The following CGB1 variants were observed in gnomAD, a reference collection of about 807,000 sequenced individuals.
CGB1 encodes the protein choriogonadotropin subunit beta variant 1.
CGB1 carries 4 observed loss-of-function variants against 7.0 expected under a neutral mutation model. The ratio of observed to expected loss-of-function variants is 0.57; its 90% CI spans 0.28 to 1.31. The LOEUF (loss-of-function observed/expected upper bound fraction) is 1.31, where lower values mean the gene tolerates loss of function less well. Among genes scored for constraint, CGB1 ranks in the 50% most tolerant of loss-of-function variants. The pLI is 0.10. For missense variants in CGB1, 139 were observed against 219.1 expected (o/e 0.63, Z 2.31); for synonymous variants, 72 against 96.4 (o/e 0.75, Z 1.48).
At chr19:49,036,551 C>A (rs2039821518) in intron 1 of CGB1, 152 bp downstream of exon 1, 1 of 1,610,702 alleles carries the variant, frequency 6.2e-7, no homozygotes. Flanking sequence ...GGTCACGCTC[C>A]TCCAGAAAGA....
rs768762805 is a variant in CGB1, at chr19:49,035,631, T to C, written c.447A>G (p.Pro149=). 9.3e-6 allele frequency: 15 copies of C among 1,611,204 alleles called. No homozygotes were observed. The African/African-American group carries it at 1.1e-4, about 12-fold the overall frequency. ...TGTCCTAGGGCCCCGGGAGACGGGA[T>C]GGACTTGGAAGGCTGGGGGGAGGGG... ...SKAPPPSLPS[P]SRLPGP is the part of the protein sequence containing the mutation. The change falls in exon 3 of 3, where the codon CCA becomes CCG. Residue 149 remains proline, a synonymous_variant. Coordinates refer to ENST00000301407, the MANE Select transcript of CGB1 (RefSeq NM_033377.2).
intron 2 of CGB1, 108 bp from the exon 3 acceptor site, chr19:49,036,008 C>G: frequency 7.1e-7 from 1 of 1,412,342 alleles, no homozygotes; most frequent in East Asian, 2.5e-5. Flanking sequence ...AGGAAGCCCT[C>G]TGTTCCTGCC....
chr19:49,036,668 C>A (rs762305269), intron 1 of CGB1, 35 bp downstream of exon 1: 3 of 1,613,950 alleles, frequency 1.9e-6, no homozygotes, highest in Non-Finnish European at 2.5e-6. Context: ...GGAACATCTC[C>A]ATCTTTGGTG....
At position 49,035,713 on chromosome 19, in the gene CGB1, T is replaced by C. The variant is rs1028339582; in HGVS notation, c.365A>G (p.Lys122Arg). Residue 122 changes from lysine to arginine, a missense_variant, in exon 3 of 3, where the codon AAG (lysine) becomes AGG (arginine). Around this residue, in one of 4 missense-constraint regions of CGB1, gnomAD observed 60 missense variants for 105.8 expected, o/e 0.57. Transcript: ENST00000301407. ...GTCATCACAGGTCAAGGGGTGGTCC[T>C]TGGGACCCCCGCAGTCAGTGGTGCT... ...RRSTTDCGGP[K>R]DHPLTCDDPR... 1.1e-5 allele frequency: 18 copies of C among 1,608,740 alleles called. No homozygotes were observed. The highest frequency in any genetic ancestry group is 1.4e-5 in the Non-Finnish European group (17 of 1,178,952).
chr19:49,036,096 C>G, intron 2 of CGB1, 40 bp downstream of exon 2: 1 of 1,604,544 alleles, frequency 6.2e-7, no homozygotes, highest in East Asian at 2.2e-5. Context: ...TGGGTCTGGC[C>G]CTGAGGTGGC....
chr19:49,036,578 T>G, intron 1 of CGB1, 125 bp downstream of exon 1: 1 of 1,613,588 alleles, frequency 6.2e-7, no homozygotes, highest in Non-Finnish European at 8.5e-7. Context: ...CTTCCACAGC[T>G]CACACGGGTC....
At chr19:49,036,616 G>A in intron 1 of CGB1, 87 bp downstream of exon 1, 1 of 1,613,968 alleles carries the variant, frequency 6.2e-7, no homozygotes, top group Non-Finnish European at 8.5e-7. Context: ...GTGATGGCCT[G>A]GAAGGAGGTG....
rs1378039159 is a variant in CGB1, at chr19:49,035,978, G to C, written c.178-78C>G. ...GCTGAGCTCCCCAGCTGCCCCCACA[G>C]GTCTCAGACTCAGGGGTCCAGGAAG... On this transcript the variant is annotated intron_variant, in intron 2 of 2. Coordinates refer to ENST00000301407, the MANE Select transcript of CGB1 (RefSeq NM_033377.2). 9.4e-4 allele frequency: 1,193 copies of C among 1,264,276 alleles called. 14 individuals are homozygous for C. The African/African-American group carries it at 0.017, about 17-fold the overall frequency. The allele number at this position is 1,264,276 out of a possible 1,614,324, so 78.3% of individuals were successfully genotyped here.
chr19:49,036,310 C>A lies in CGB1; in HGVS notation c.10-7G>T, dbSNP rs763038754. 25 of 1,604,970 alleles carry A rather than the reference C, an allele frequency of 1.6e-5. No individual in the cohort carries two copies. In the South Asian group the frequency reaches 2.7e-4, roughly 18 times the overall value. ...GCAGCAACAGCAGCAGCCTCTGGGG[C>A]AAGGACACTGCTTCACCCGGGTCTG... is the stretch of plus-strand genomic sequence containing the variant. On this transcript the variant is annotated splice_polypyrimidine_tract_variant and splice_region_variant and intron_variant, in intron 1 of 2. Transcript: ENST00000301407.
intron 1 of CGB1, 44 bp from the exon 2 acceptor site, chr19:49,036,347 C>G (rs747985786): frequency 6.2e-7 from 1 of 1,602,686 alleles, no homozygotes; most frequent in Non-Finnish European, 8.5e-7. Flanking sequence ...GACTGCAGCC[C>G]CCAGTCCTGG....
Position 49,036,883 on chromosome 19 carries a change from T to A in CGB1, c.-172A>T. On this transcript the variant is annotated 5_prime_UTR_variant, in exon 1 of 3. In the 5' UTR this introduces an upstream ATG that the reference lacks. Transcript: ENST00000301407. ...TGCTCTCTCTCAGATGCAGTTCCCC[T>A]TCCTCCCTCCAGGGGGCGCCACGGA... 1.1e-6 allele frequency: 1 copy of A among 896,866 alleles called. No homozygotes were observed. The highest frequency in any genetic ancestry group is 1.8e-6 in the Non-Finnish European group (1 of 569,686). The allele number at this position is 896,866 out of a possible 1,614,324, so 55.6% of individuals were successfully genotyped here.
Position 49,036,314 on chromosome 19 carries a change from G to T in CGB1, c.10-11C>A. 1.2e-6 allele frequency: 2 copies of T among 1,604,838 alleles called. No individual in the cohort carries two copies. The highest frequency in any genetic ancestry group is 2.2e-5 in the South Asian group (2 of 90,968). On this transcript the variant is annotated splice_polypyrimidine_tract_variant and intron_variant, in intron 1 of 2. Coordinates refer to ENST00000301407, the MANE Select transcript of CGB1 (RefSeq NM_033377.2). ...CAACAGCAGCAGCCTCTGGGGCAAG[G>T]ACACTGCTTCACCCGGGTCTGAGAC...
At position 49,035,655 on chromosome 19, in the gene CGB1, G is replaced by T. The variant is rs1388593246; in HGVS notation, c.423C>A (p.Ala141=). The T allele has an allele frequency of 1.2e-6, 2 of 1,611,026 alleles. No individual in the cohort carries two copies. The highest frequency in any genetic ancestry group is 1.7e-6 in the Non-Finnish European group (2 of 1,179,860). Residue 141 remains alanine (A), a synonymous_variant, in exon 3 of 3, where the codon GCC becomes GCA. Transcript: ENST00000301407. ...ATGGACTTGGAAGGCTGGGGGGAGGGGCCTTTGAGGAAGAGGAGTCCTGGA... is the reference window on the plus strand; with the variant it reads ...ATGGACTTGGAAGGCTGGGGGGAGGTGCCTTTGAGGAAGAGGAGTCCTGGA... ...PRFQDSSSSK[A]PPPSLPSPSR...
chr19:49,035,951 C>T (rs966700920), intron 2 of CGB1, 51 bp from the exon 3 acceptor site: 1 of 1,190,830 alleles, frequency 8.4e-7, no homozygotes, highest in Non-Finnish European at 1.2e-6. Context: ...GCCAGCGCCT[C>T]AGCTGAGCTC....
intron 1 of CGB1, 181 bp downstream of exon 1, chr19:49,036,522 C>A (rs2039821078): frequency 5.0e-6 from 8 of 1,597,910 alleles, no homozygotes; most frequent in South Asian, 1.1e-5. Context: ...AGGAACTGAC[C>A]CACCTGAAGC....
At chr19:49,036,441 A>C in intron 1 of CGB1, 138 bp from the exon 2 acceptor site, 1 of 1,568,334 alleles carries the variant, frequency 6.4e-7, no homozygotes, top group Non-Finnish European at 8.6e-7. Flanking sequence ...CCACCCGGAC[A>C]CCTGCCTTTC....
intron 1 of CGB1, 163 bp downstream of exon 1, chr19:49,036,540 G>C: frequency 6.2e-7 from 1 of 1,607,098 alleles, no homozygotes. Context: ...AGCTTACTGG[G>C]GGTCACGCTC....
At position 49,036,860 on chromosome 19, in the gene CGB1, C is replaced by T. The variant is rs868818970; in HGVS notation, c.-149G>A. The T allele has an allele frequency of 3.5e-6, 4 of 1,140,052 alleles. No homozygotes were observed. The highest frequency in any genetic ancestry group is 2.5e-5 in the East Asian group (1 of 40,710). The allele number at this position is 1,140,052 out of a possible 1,614,324, so 70.6% of individuals were successfully genotyped here. On this transcript the variant is annotated 5_prime_UTR_variant, in exon 1 of 3. Coordinates refer to ENST00000301407, the MANE Select transcript of CGB1 (RefSeq NM_033377.2). ...CAGAGTCAGCGGACCCAATTGGCTG[C>T]TCTCTCTCAGATGCAGTTCCCCTTC...
At position 49,035,746 on chromosome 19, in the gene CGB1, C is replaced by A. The variant is rs2039806754; in HGVS notation, c.332G>T (p.Cys111Phe). 6.2e-7 allele frequency: 1 copy of A among 1,607,710 alleles called. No homozygotes were observed. The highest frequency in any genetic ancestry group is 1.4e-5 in the African/African-American group (1 of 73,122). The change falls in exon 3 of 3, where the codon TGC becomes TTC. Residue 111 changes from cysteine to phenylalanine, a missense_variant. Coordinates refer to ENST00000301407, the MANE Select transcript of CGB1 (RefSeq NM_033377.2). The stretch of plus-strand genomic sequence containing the variant: ...CCCGCAGTCAGTGGTGCTGCGGCGG[C>A]AGAGTGCACATTGACAGCTGAGAGC... ...AVALSCQCAL[C>F]RRSTTDCGGP... is the part of the protein sequence containing the mutation.
Sources: gnomAD v4.1 joint callset for allele counts on GRCh38, gnomAD v4.1.1 for gene constraint, gnomAD v4.1.1 regional missense constraint, MANE v1.5 for transcripts, NCBI Gene and HGNC (gene_info 2026-07-23, HGNC 2026-07-21) for gene names.